CPAMD8: variants seen among roughly 807,000 people sequenced by gnomAD.
CPAMD8 encodes C3 and PZP-like alpha-2-macroglobulin domain-containing protein 8.
A neutral mutation model predicts 224.7 loss-of-function variants in CPAMD8; 146 were observed. That is an observed-to-expected ratio of 0.65 (90% CI 0.57 to 0.75). The LOEUF (loss-of-function observed/expected upper bound fraction) is 0.75, where lower values mean the gene tolerates loss of function less well. Among genes scored for constraint, CPAMD8 ranks in the 30% least tolerant of loss-of-function variants. CPAMD8 has a pLI of 0.00. For synonymous variants in CPAMD8, 966 were observed against 1,044.6 expected (o/e 0.92, Z 1.45); for missense variants, 2,301 against 2,537.5 (o/e 0.91, Z 2.00).
At chr19:17,022,235 T>G (rs1365743492) in intron 1 of CPAMD8, 54 bp from the exon 2 acceptor site, 10 of 1,573,106 alleles carry the variant, frequency 6.4e-6, no homozygotes, top group Non-Finnish European at 8.6e-6. Flanking sequence ...CTGGTCTCGC[T>G]GCCACCACAG....
In CPAMD8 at chr19:16,989,744, G is replaced by A. The variant is rs764978268; in HGVS notation, c.1294C>T (p.Pro432Ser). The A allele has an allele frequency of 3.1e-6, 5 of 1,613,848 alleles. No homozygotes were observed. The highest frequency in any genetic ancestry group is 3.3e-5 in the Admixed American group (2 of 59,992). Residue 432 changes from proline to serine, a missense_variant, in exon 13 of 42, where the codon CCT becomes TCT. This residue lies in a region of CPAMD8 where 301 missense variants were observed against 406.6 expected (regional missense o/e 0.74). Coordinates refer to ENST00000443236, the MANE Select transcript of CPAMD8 (RefSeq NM_015692.5). ...CTGGGCAGGTACTGAGCCCCCACAG[G>A]CTTCCCGTTCAGTGCCATCACCTTG... is the stretch of plus-strand genomic sequence containing the variant. ...ETKVMALNGK[P>S]VGAQYLPSYL...
chr19:16,949,517 G>A (rs947994539), intron 20 of CPAMD8, among the ~76,000 whole-genome samples: 2 of 152,170 alleles, frequency 1.3e-5, no homozygotes, highest in African/African-American at 4.8e-5. Context: ...TGGCCATTCT[G>A]AGTCTAACAT....
At chr19:16,917,996 TTTTTTA>T (rs1484948512) in intron 27 of CPAMD8, among the ~76,000 whole-genome samples, 1 of 152,136 alleles carries the variant, frequency 6.6e-6, no homozygotes, top group Non-Finnish European at 1.5e-5. Flanking sequence ...GTGAACTTTA[TTTTTTA>T]TTTTTATTTT....
intron 22 of CPAMD8, among the ~76,000 whole-genome samples, chr19:16,945,295 C>T (rs2054032569): frequency 6.6e-6 from 1 of 152,164 alleles, no homozygotes; most frequent in Non-Finnish European, 1.5e-5. Flanking sequence ...GGTCAGGGAG[C>T]ACTTGCTGCA....
intron 19 of CPAMD8, among the ~76,000 whole-genome samples, chr19:16,956,901 C>T (rs887939594): frequency 2.7e-4 from 41 of 151,976 alleles, no homozygotes; most frequent in African/African-American, 9.7e-4. Context: ...CTCCTGATCT[C>T]GTGATCCACC....
chr19:16,938,506 G>A (rs2053775363), intron 22 of CPAMD8, 60 bp from the exon 23 acceptor site: 1 of 931,212 alleles, frequency 1.1e-6, no homozygotes, highest in Admixed American at 2.4e-5. Flanking sequence ...GGTCAGCTCA[G>A]CGGAGCAGCT....
rs1306396808 is a variant in CPAMD8, at chr19:16,975,127, G to A, written c.2040C>T (p.Gly680=). 4 of 1,612,728 alleles carry A rather than the reference G, an allele frequency of 2.5e-6. No individual in the cohort carries two copies. The highest frequency in any genetic ancestry group is 3.4e-6 in the Non-Finnish European group (4 of 1,179,740). The part of the protein sequence containing the change: ...RRSSVFPWPW[G]ITKDSGFAFT... ...AGGCAAACCCAGAGTCCTTGGTGAT[G>A]CCCCAAGGCCACGGGAAGACAGAGG... Residue 680 remains glycine (G), a synonymous_variant, in exon 17 of 42, where the codon GGC becomes GGT. Coordinates refer to ENST00000443236, the MANE Select transcript of CPAMD8 (RefSeq NM_015692.5).
rs201266081 is a variant in CPAMD8, at chr19:16,945,663, G to T, written c.2679C>A (p.Tyr893Ter). 1 of 1,613,964 alleles carries T rather than the reference G, an allele frequency of 6.2e-7. No homozygotes were observed. The highest frequency in any genetic ancestry group is 1.3e-5 in the African/African-American group (1 of 74,926). Residue 893 changes from tyrosine to a stop codon, truncating the protein, a stop_gained, in exon 22 of 42, where the codon TAC (tyrosine) becomes TAA (stop). Transcript: ENST00000443236. LOFTEE classifies it high-confidence loss of function. The stretch of plus-strand genomic sequence containing the variant: ...CATCCCGGCAGCAATTTGTGTCTCC[G>T]TAAGCAAGGGCTTTGGCTGCAGAAA... Reference protein sequence around the residue: ...LNNITAKALAYGDTNCCRDGR... With the variant: ...LNNITAKALA
intron 15 of CPAMD8, among the ~76,000 whole-genome samples, chr19:16,976,860 G>A (rs7258595): frequency 0.37 from 56,489 of 151,424 alleles, 11,493 homozygotes; most frequent in East Asian, 0.53. Flanking sequence ...TGGCCAACAT[G>A]GTGAAACCCC....
intron 22 of CPAMD8, among the ~76,000 whole-genome samples, chr19:16,941,967 A>T (rs1295307682): frequency 6.6e-6 from 1 of 152,004 alleles, no homozygotes; most frequent in Non-Finnish European, 1.5e-5. Context: ...GCGAGACTCC[A>T]TCTCAAAACA....
At chr19:16,920,030 C>T (rs2053108693) in intron 27 of CPAMD8, among the ~76,000 whole-genome samples, 1 of 152,164 alleles carries the variant, frequency 6.6e-6, no homozygotes, top group South Asian at 2.1e-4. Flanking sequence ...TGAGGTTTGT[C>T]CAGCTTCGGG....
intron 27 of CPAMD8, among the ~76,000 whole-genome samples, chr19:16,915,340 C>A (rs1468171247): frequency 6.6e-6 from 1 of 152,104 alleles, no homozygotes; most frequent in Non-Finnish European, 1.5e-5. Context: ...GCAGCTGCAG[C>A]CATTTTGCCA....
chr19:16,934,161 C>T (rs2145001161), intron 23 of CPAMD8, among the ~76,000 whole-genome samples: 1 of 152,108 alleles, frequency 6.6e-6, no homozygotes, highest in African/African-American at 2.4e-5. Flanking sequence ...CTCAGTGGTC[C>T]CTAGTGATGG....
intron 13 of CPAMD8, among the ~76,000 whole-genome samples, chr19:16,988,806 C>T (rs1169538884): frequency 6.6e-6 from 1 of 152,088 alleles, no homozygotes; most frequent in African/African-American, 2.4e-5. Context: ...CCAGGTCACA[C>T]AGCAGGAGGT....
At chr19:16,989,581 C>G in intron 13 of CPAMD8, 62 bp downstream of exon 13, 1 of 1,573,970 alleles carries the variant, frequency 6.4e-7, no homozygotes, top group Non-Finnish European at 8.7e-7. Flanking sequence ...GCCACAGCAC[C>G]TGGCTCATGC....
At chr19:17,019,717 A>G (rs1322031370) in intron 3 of CPAMD8, among the ~76,000 whole-genome samples, 1 of 139,204 alleles carries the variant, frequency 7.2e-6, no homozygotes, top group Non-Finnish European at 1.5e-5. Context: ...CACCATGCCT[A>G]GCTAATGGAT....
intron 19 of CPAMD8, among the ~76,000 whole-genome samples, chr19:16,954,128 TG>T (rs1304402305): frequency 2.0e-5 from 3 of 152,110 alleles, no homozygotes; most frequent in Non-Finnish European, 2.9e-5. Context: ...CCCATTCTTT[TG>T]GGTATACACC....
At chr19:17,019,538 T>C (rs2056897919) in intron 3 of CPAMD8, among the ~76,000 whole-genome samples, 1 of 151,696 alleles carries the variant, frequency 6.6e-6, no homozygotes, top group South Asian at 2.1e-4. Flanking sequence ...GGTGGATTTC[T>C]CCTTTTCTAA....
chr19:17,008,289 C>T (rs927507298), intron 7 of CPAMD8, among the ~76,000 whole-genome samples: 1 of 152,232 alleles, frequency 6.6e-6, no homozygotes, highest in Non-Finnish European at 1.5e-5. Context: ...TCCAAATCCA[C>T]AGGGAAGGTG....
Sources: gnomAD v4.1 joint callset for allele counts (sites outside exome capture counted in the v4.1 genomes callset) on GRCh38, gnomAD v4.1.1 for gene constraint, gnomAD v4.1.1 regional missense constraint, MANE v1.5 for transcripts, NCBI Gene and HGNC (gene_info 2026-07-23, HGNC 2026-07-21) for gene names.